The following TGFBI variants were observed in gnomAD, a reference collection of about 807,000 sequenced individuals.
TGFBI encodes the protein transforming growth factor-beta-induced protein ig-h3.
In TGFBI, 50 loss-of-function variants were observed where a neutral mutation model predicts 73.7. The observed-to-expected ratio is 0.68, with a 90% CI of 0.54 to 0.86. The LOEUF (loss-of-function observed/expected upper bound fraction) is 0.86, where lower values mean the gene tolerates loss of function less well. Among genes scored for constraint, TGFBI ranks in the 40% least tolerant of loss-of-function variants. The probability of loss-of-function intolerance (pLI) is 0.00; values close to 1 mark genes in which losing one functional copy is unlikely to be tolerated. For missense variants in TGFBI, 839 were observed against 877.0 expected (o/e 0.96, Z 0.55); for synonymous variants, 362 against 360.5 (o/e 1.00, Z -0.05).
At chr5:136,056,848 A>G in intron 12 of TGFBI, 53 bp downstream of exon 12, 1 of 1,553,244 alleles carries the variant, frequency 6.4e-7, no homozygotes, top group Non-Finnish European at 8.7e-7. Flanking sequence ...GTGATCCCTC[A>G]GGGCCCCAGC....
rs748267766 is a variant in TGFBI at position 136,029,050 on chromosome 5, C to G, written c.-6C>G. 5.9e-6 allele frequency: 9 copies of G among 1,525,378 alleles called. No individual in the cohort carries two copies. In the East Asian group the frequency reaches 7.6e-5, roughly 13 times the overall value. The allele number at this position is 1,525,378 out of a possible 1,614,324, so 94.5% of individuals were successfully genotyped here. On this transcript the variant is annotated 5_prime_UTR_variant, in exon 1 of 17. Coordinates refer to ENST00000442011, the MANE Select transcript of TGFBI (RefSeq NM_000358.3). ...CTAGCTCGCTCGGTGCGCGTCGTCCCGCTCCATGGCGCTCTTCGTGCGGCT... is the reference window on the plus strand; with the variant it reads ...CTAGCTCGCTCGGTGCGCGTCGTCCGGCTCCATGGCGCTCTTCGTGCGGCT...
At chr5:136,048,209 T>G in intron 6 of TGFBI, 1 of 152,336 alleles carries the variant, frequency 6.6e-6, no homozygotes. Flanking sequence ...GGAGCTTCGC[T>G]GTCTAAGCTC....
chr5:136,056,294 ACTTCAGCCAC>A lies in TGFBI; in HGVS notation c.1548-368_1548-359del, dbSNP rs536939146. On this transcript the variant is annotated intron_variant, in intron 11 of 16. Coordinates refer to ENST00000442011, the MANE Select transcript of TGFBI (RefSeq NM_000358.3). The stretch of plus-strand genomic sequence containing the variant: ...CATATTGAATGTTTCCCTGTCACTG[ACTTCAGCCAC>A]CTGCACAAGGGCTTGGAGACCACAC... Among the ~76,000 whole-genome samples the A allele has an allele frequency of 1.1e-3, 160 of 152,186 alleles. 1 individual carries two copies. The highest frequency in any genetic ancestry group is 3.8e-3 in the African/African-American group (159 of 41,514).
chr5:136,054,590 C>G, intron 9 of TGFBI, 126 bp from the exon 10 acceptor site: 2 of 1,250,568 alleles, frequency 1.6e-6, no homozygotes, highest in East Asian at 4.6e-5. Flanking sequence ...GGCAGCTTCA[C>G]TTGGTTTCTC....
At chr5:136,062,381 C>T (rs1047017007) in intron 15 of TGFBI, among the ~76,000 whole-genome samples, 3 of 152,012 alleles carry the variant, frequency 2.0e-5, no homozygotes, top group African/African-American at 7.2e-5. Context: ...TCTGTGCAGC[C>T]CCAGCTCCCT....
chr5:136,062,434 G>T (rs1257182312), intron 15 of TGFBI, among the ~76,000 whole-genome samples: 1 of 152,004 alleles, frequency 6.6e-6, no homozygotes, highest in African/African-American at 2.4e-5. Flanking sequence ...TGGCTTGGGG[G>T]TCTCCTAGGA....
At chr5:136,057,685 C>A (rs1580721520) in intron 12 of TGFBI, among the ~76,000 whole-genome samples, 1 of 151,948 alleles carries the variant, frequency 6.6e-6, no homozygotes, top group East Asian at 1.9e-4. Flanking sequence ...AGAGGAAGGA[C>A]CTTGACAAAC....
chr5:136,060,728 A>G (rs1751732799), intron 13 of TGFBI, 106 bp from the exon 14 acceptor site: 1 of 916,404 alleles, frequency 1.1e-6, no homozygotes, highest in African/African-American at 1.7e-5. Flanking sequence ...AAGAACAAGG[A>G]AAAAAACGAA....
At chr5:136,051,405 G>A (rs1056978080) in intron 7 of TGFBI, among the ~76,000 whole-genome samples, 2 of 151,914 alleles carry the variant, frequency 1.3e-5, no homozygotes, top group Non-Finnish European at 2.9e-5. Context: ...ACTCCAGCCT[G>A]GGCAACAAAG....
At chr5:136,038,916 T>C (rs1157396243) in intron 2 of TGFBI, among the ~76,000 whole-genome samples, 1 of 152,208 alleles carries the variant, frequency 6.6e-6, no homozygotes, top group Non-Finnish European at 1.5e-5. Context: ...ATAAGGCCGA[T>C]TTCTGACTCT....
chr5:136,032,980 G>C (rs933091314), intron 1 of TGFBI, among the ~76,000 whole-genome samples: 5 of 152,060 alleles, frequency 3.3e-5, no homozygotes, highest in African/African-American at 1.2e-4. Context: ...GGGTAGTTTG[G>C]GGAGCAGTAT....
chr5:136,060,807 T>C, intron 13 of TGFBI, 27 bp from the exon 14 acceptor site: 1 of 1,522,136 alleles, frequency 6.6e-7, no homozygotes, highest in Non-Finnish European at 9.0e-7. Flanking sequence ...TGCTCTACTT[T>C]CAACCACTAC....
chr5:136,063,178 T>C lies in TGFBI; in HGVS notation c.2012-8T>C. On this transcript the variant is annotated splice_polypyrimidine_tract_variant and splice_region_variant and intron_variant, in intron 16 of 16. Coordinates refer to ENST00000442011, the MANE Select transcript of TGFBI (RefSeq NM_000358.3). Reference sequence around the variant, plus strand: ...ACCTATTTGACGTTACCAACTTCTCTTTTTCAGCCCCTGTCTATCAAAAGT... The same window carrying C: ...ACCTATTTGACGTTACCAACTTCTCCTTTTCAGCCCCTGTCTATCAAAAGT... The C allele has an allele frequency of 6.2e-7, 1 of 1,613,462 alleles. No individual in the cohort carries two copies. The highest frequency in any genetic ancestry group is 8.5e-7 in the Non-Finnish European group (1 of 1,179,462).
intron 2 of TGFBI, among the ~76,000 whole-genome samples, chr5:136,036,926 G>T (rs184057093): frequency 6.6e-6 from 1 of 152,238 alleles, no homozygotes; most frequent in Admixed American, 6.5e-5. Flanking sequence ...ACCAGAAGGA[G>T]AATTTCACCT....
At chr5:136,062,298 T>C (rs907903287) in intron 15 of TGFBI, among the ~76,000 whole-genome samples, 1 of 152,136 alleles carries the variant, frequency 6.6e-6, no homozygotes, top group African/African-American at 2.4e-5. Flanking sequence ...GTCACTTTAC[T>C]TTTGTACACA....
chr5:136,046,613 C>G (rs1751433190), intron 4 of TGFBI, 118 bp downstream of exon 4: 3 of 1,345,278 alleles, frequency 2.2e-6, no homozygotes, highest in South Asian at 3.1e-5. Flanking sequence ...GAAGCTTTCT[C>G]CTTAACCCCT....
intron 7 of TGFBI, among the ~76,000 whole-genome samples, chr5:136,051,435 A>AAAAAC (rs546835177): frequency 4.7e-4 from 72 of 152,300 alleles, no homozygotes; most frequent in African/African-American, 1.3e-3. Context: ...CTCAAAAGAA[A>AAAAAC]AAAACAAAAC....
Position 136,059,253 on chromosome 5 carries a change from C to T in TGFBI, c.1803+39C>T, listed in dbSNP as rs78118538. On this transcript the variant is annotated intron_variant, in intron 13 of 16. Transcript: ENST00000442011. ...AAATCAAAGGCTGGCTAAATTTCCCCAGGGCAGGGCTCCAGGACATATCTC... is the reference window on the plus strand; with the variant it reads ...AAATCAAAGGCTGGCTAAATTTCCCTAGGGCAGGGCTCCAGGACATATCTC... 2.5e-6 allele frequency: 4 copies of T among 1,600,902 alleles called. 1 individual carries two copies. The highest frequency in any genetic ancestry group is 2.3e-5 in the South Asian group (2 of 88,166).
intron 2 of TGFBI, among the ~76,000 whole-genome samples, chr5:136,034,422 C>T (rs150271651): frequency 2.2e-4 from 34 of 151,978 alleles, no homozygotes; most frequent in Middle Eastern, 3.4e-3. Context: ...CTGAAAAGTT[C>T]GTATAACAAA....
Sources: allele counts gnomAD v4.1 joint callset (sites outside exome capture counted in the v4.1 genomes callset), GRCh38; gene constraint gnomAD v4.1.1; transcripts MANE v1.5; gene names NCBI Gene and HGNC (gene_info 2026-07-23, HGNC 2026-07-21).